ST7: variants seen among roughly 807,000 people sequenced by gnomAD.
ST7 encodes suppression of tumorigenicity 7.
Under a neutral mutation model 78.7 loss-of-function variants are expected in ST7, and 28 were observed. The observed-to-expected ratio is 0.36, with a 90% CI of 0.26 to 0.49. ST7 has a LOEUF of 0.49. Among genes scored for constraint, ST7 ranks in the 20% least tolerant of loss-of-function variants. ST7 has a pLI of 0.99. For missense variants in ST7, 418 were observed against 696.0 expected, an observed-to-expected ratio of 0.60 and a Z score of 4.49; for synonymous variants, 247 against 249.6, an observed-to-expected ratio of 0.99 and a Z score of 0.10.
chr7:117,121,045 A>G (rs564569987), intron 3 of ST7, among the ~76,000 whole-genome samples: 29 of 152,290 alleles, frequency 1.9e-4, no homozygotes, highest in African/African-American at 6.5e-4. Context: ...TCTAATGAGG[A>G]TGGTTTCTGT....
intron 10 of ST7, among the ~76,000 whole-genome samples, chr7:117,174,704 A>G (rs930909722): frequency 1.3e-5 from 2 of 152,292 alleles, no homozygotes; most frequent in East Asian, 1.9e-4. Flanking sequence ...GCCACAATCT[A>G]TTGAGAACCT....
intron 12 of ST7, among the ~76,000 whole-genome samples, chr7:117,202,596 C>T (rs900824483): frequency 6.6e-6 from 1 of 152,196 alleles, no homozygotes; most frequent in Non-Finnish European, 1.5e-5. Context: ...TCCTCCACCC[C>T]GCAATTTTGT....
chr7:117,217,299 AC>A (rs869053145), intron 13 of ST7, among the ~76,000 whole-genome samples: 9 of 151,434 alleles, frequency 5.9e-5, no homozygotes, highest in South Asian at 2.1e-4. Context: ...AAAAAAAAAA[AC>A]AAAAAAAAAA....
chr7:116,954,559 C>G (rs1792342078), intron 1 of ST7: 1 of 152,376 alleles, frequency 6.6e-6, no homozygotes, highest in Non-Finnish European at 1.5e-5. Context: ...AGCCAGCCCA[C>G]TGAGTCGTTA....
At chr7:117,162,501 C>T (rs1048080722) in intron 9 of ST7, among the ~76,000 whole-genome samples, 6 of 147,818 alleles carry the variant, frequency 4.1e-5, no homozygotes, top group Admixed American at 1.3e-4. Context: ...TATCCGCACA[C>T]GGGGGATATT....
chr7:117,024,592 A>G (rs2116075579), intron 1 of ST7, among the ~76,000 whole-genome samples: 1 of 152,296 alleles, frequency 6.6e-6, no homozygotes, highest in South Asian at 2.1e-4. Context: ...CCTTCTTCCA[A>G]AATTTTTTGT....
At chr7:117,099,419 C>G (rs1425759985) in intron 1 of ST7, among the ~76,000 whole-genome samples, 3 of 152,182 alleles carry the variant, frequency 2.0e-5, no homozygotes, top group Admixed American at 2.0e-4. Context: ...TGTGTAAGAG[C>G]ACCTTCTCTT....
At chr7:117,112,931 G>T (rs1476542395) in intron 2 of ST7, among the ~76,000 whole-genome samples, 2 of 152,204 alleles carry the variant, frequency 1.3e-5, no homozygotes, top group East Asian at 3.8e-4. Flanking sequence ...TTCTGCAGGG[G>T]ACCCCGTGTC....
chr7:117,057,923 A>C (rs1798147745), intron 1 of ST7, among the ~76,000 whole-genome samples: 1 of 152,132 alleles, frequency 6.6e-6, no homozygotes, highest in African/African-American at 2.4e-5. Flanking sequence ...TAGTAATCCT[A>C]CCTGAGTGGG....
chr7:117,101,257 G>A (rs1228954139), intron 2 of ST7, among the ~76,000 whole-genome samples: 1 of 152,164 alleles, frequency 6.6e-6, no homozygotes, highest in East Asian at 1.9e-4. Flanking sequence ...TCCATTCCGA[G>A]TTTCAGGGTC....
At chr7:117,034,121 T>C (rs1796760313) in intron 1 of ST7, among the ~76,000 whole-genome samples, 1 of 152,092 alleles carries the variant, frequency 6.6e-6, no homozygotes, top group South Asian at 2.1e-4. Context: ...TTTTATTTTT[T>C]GTAGAGGCAG....
chr7:117,056,449 A>C (rs1005051955), intron 1 of ST7, among the ~76,000 whole-genome samples: 2 of 152,112 alleles, frequency 1.3e-5, no homozygotes, highest in African/African-American at 4.8e-5. Context: ...CCTGACCAAC[A>C]TGGAGAAACC....
At chr7:117,009,650 G>T (rs1306234499) in intron 1 of ST7, among the ~76,000 whole-genome samples, 2 of 151,992 alleles carry the variant, frequency 1.3e-5, no homozygotes, top group African/African-American at 4.8e-5. Context: ...TGTTTCTCAT[G>T]ACTGCTAATT....
At chr7:117,007,585 T>C (rs540975334) in intron 1 of ST7, among the ~76,000 whole-genome samples, 1 of 152,356 alleles carries the variant, frequency 6.6e-6, no homozygotes, top group South Asian at 2.1e-4. Flanking sequence ...TGAAGGTGGC[T>C]ACACTCAACA....
chr7:116,987,946 C>T (rs1291176041), intron 1 of ST7, among the ~76,000 whole-genome samples: 8 of 152,204 alleles, frequency 5.3e-5, no homozygotes, highest in African/African-American at 1.9e-4. Flanking sequence ...AGGCTGATCT[C>T]GAACTCCTGA....
rs984354113 is a variant in ST7, at chr7:117,219,990, A to G, written c.1498+814A>G. On this transcript the variant is annotated intron_variant, in intron 14 of 15. Transcript: ENST00000323984. The surrounding 1 kb of genome is among the most constrained non-coding windows in gnomAD (Gnocchi z 5.1). Reference sequence around the variant, plus strand: ...TAGGATATATTTTTCTCCCTCAGATAATAAGCTCCAAATTTTAGCTCTTCT... The same window carrying G: ...TAGGATATATTTTTCTCCCTCAGATGATAAGCTCCAAATTTTAGCTCTTCT... Among the ~76,000 whole-genome samples, 1 of 152,164 alleles carries G rather than the reference A, an allele frequency of 6.6e-6. No individual in the cohort carries two copies. Among genetic ancestry groups the G allele is most frequent in the African/African-American group, 2.4e-5 (1 of 41,426 alleles).
chr7:117,183,456 G>A (rs1263285093), intron 10 of ST7, among the ~76,000 whole-genome samples: 1 of 151,616 alleles, frequency 6.6e-6, no homozygotes, highest in African/African-American at 2.4e-5. Flanking sequence ...TATAATTGAG[G>A]CATCAATTAC....
intron 13 of ST7, among the ~76,000 whole-genome samples, chr7:117,215,329 G>A (rs1431663426): frequency 2.0e-5 from 3 of 152,116 alleles, no homozygotes; most frequent in Non-Finnish European, 4.4e-5. Context: ...GCGATTTGGT[G>A]ATAATTTCCT....
intron 1 of ST7, among the ~76,000 whole-genome samples, chr7:117,090,278 C>T (rs538294046): frequency 1.2e-4 from 18 of 150,506 alleles, no homozygotes; most frequent in Non-Finnish European, 2.1e-4. Flanking sequence ...CACACACACA[C>T]GGCAAAGTCC....
Sources: gnomAD v4.1 joint callset for allele counts (sites outside exome capture counted in the v4.1 genomes callset) on GRCh38, gnomAD v4.1.1 for gene constraint, Gnocchi (gnomAD v3.1) non-coding constraint, MANE v1.5 for transcripts, NCBI Gene and HGNC (gene_info 2026-07-23, HGNC 2026-07-21) for gene names.